The following NGEF variants were observed in gnomAD, a reference collection of about 807,000 sequenced individuals.
NGEF encodes ephexin-1.
A neutral mutation model predicts 80.9 loss-of-function variants in NGEF; 31 were observed. The observed-to-expected ratio is 0.38, with a 90% CI of 0.29 to 0.52. NGEF has a LOEUF of 0.52. Ranked by LOEUF, NGEF falls within the 20% of genes least tolerant of loss-of-function variation. The pLI is 0.84. For missense variants in NGEF, 709 were observed against 926.2 expected, an observed-to-expected ratio of 0.77 and a Z score of 3.04; for synonymous variants, 371 against 370.2, an observed-to-expected ratio of 1.00 and a Z score of -0.03.
At position 232,892,854 on chromosome 2, in the gene NGEF, G is replaced by A. The variant is rs763293759; in HGVS notation, c.1142+44C>T. On this transcript the variant is annotated intron_variant, in intron 7 of 14. Transcript: ENST00000264051. The surrounding 1 kb of genome is among the most constrained non-coding windows in gnomAD (Gnocchi z 4.0). ...GGGCCAGCACTGGTATGGCTGCCCC[G>A]GGCACCTCCCCCTGCCCCTGAGCCC... The A allele has an allele frequency of 1.4e-5, 22 of 1,597,356 alleles. No individual in the cohort carries two copies. The highest frequency in any genetic ancestry group is 4.0e-5 in the African/African-American group (3 of 74,694).
intron 12 of NGEF, among the ~76,000 whole-genome samples, chr2:232,883,078 C>CGT (rs1691564988): frequency 6.7e-6 from 1 of 149,620 alleles, no homozygotes; most frequent in Non-Finnish European, 1.5e-5. Context: ...CACACACACA[C>CGT]ACACGCACAC....
intron 1 of NGEF, among the ~76,000 whole-genome samples, chr2:233,008,292 A>G (rs1695128797): frequency 6.6e-6 from 1 of 152,172 alleles, no homozygotes; most frequent in South Asian, 2.1e-4. Flanking sequence ...GTCTGAAATG[A>G]TGGTGGAGAG....
At chr2:233,006,740 G>A (rs531249028) in intron 1 of NGEF, among the ~76,000 whole-genome samples, 1 of 152,112 alleles carries the variant, frequency 6.6e-6, no homozygotes, top group Non-Finnish European at 1.5e-5. Flanking sequence ...CACTCATGGC[G>A]ATCCTGTATG....
At chr2:232,881,091 T>C in intron 14 of NGEF, 55 bp downstream of exon 14, 6 of 1,412,276 alleles carry the variant, frequency 4.2e-6, no homozygotes. Context: ...CTCCCCGTCA[T>C]CCCTTGTGGG....
chr2:232,966,765 C>G (rs748684684), intron 3 of NGEF, among the ~76,000 whole-genome samples: 2 of 152,142 alleles, frequency 1.3e-5, no homozygotes, highest in Non-Finnish European at 1.5e-5. Flanking sequence ...TACCAGGGCC[C>G]TTCCTTGGCC....
At chr2:233,004,235 A>G (rs1439857826) in intron 1 of NGEF, among the ~76,000 whole-genome samples, 1 of 151,930 alleles carries the variant, frequency 6.6e-6, no homozygotes, top group Non-Finnish European at 1.5e-5. Context: ...CCCTGCAGGC[A>G]CCTGTCCGGC....
At position 232,881,143 on chromosome 2, in the gene NGEF, C is replaced by G; in HGVS notation, c.1942+3G>C. The G allele has an allele frequency of 6.2e-7, 1 of 1,611,812 alleles. No homozygotes were observed. Among genetic ancestry groups the G allele is most frequent in the Non-Finnish European group, 8.5e-7 (1 of 1,179,864 alleles). ...GCCCCGAGGGGAGGTCCCTGGGCCTCACCGTCGTCAGTCTTGTCCAGGATG... is the reference window on the plus strand; with the variant it reads ...GCCCCGAGGGGAGGTCCCTGGGCCTGACCGTCGTCAGTCTTGTCCAGGATG... On this transcript the variant is annotated splice_donor_region_variant and intron_variant, in intron 14 of 14. Transcript: ENST00000264051.
intron 3 of NGEF, among the ~76,000 whole-genome samples, chr2:232,932,998 A>G (rs1236036451): frequency 1.3e-5 from 2 of 151,910 alleles, no homozygotes; most frequent in East Asian, 1.9e-4. Context: ...AATCCCAGCT[A>G]CTTGGGAGGC....
chr2:232,896,130 C>G (rs1692051265), intron 5 of NGEF, among the ~76,000 whole-genome samples: 2 of 152,186 alleles, frequency 1.3e-5, no homozygotes, highest in Non-Finnish European at 2.9e-5. Context: ...CCCACAGAAG[C>G]TACATCCATG....
chr2:233,008,903 T>C (rs1182475052), intron 1 of NGEF, among the ~76,000 whole-genome samples: 1 of 151,918 alleles, frequency 6.6e-6, no homozygotes. Context: ...CTGGTTCAAG[T>C]GATTCTCCTG....
intron 1 of NGEF, among the ~76,000 whole-genome samples, chr2:233,003,368 C>T (rs1400655938): frequency 6.6e-6 from 1 of 152,218 alleles, no homozygotes; most frequent in Non-Finnish European, 1.5e-5. Context: ...TCTGATCCTT[C>T]CTGAATTCTC....
At chr2:233,012,705 T>TG (rs1695238772) in intron 1 of NGEF, 2 of 382,264 alleles carry the variant, frequency 5.2e-6, no homozygotes, top group South Asian at 4.0e-5. Flanking sequence ...GTTGTCCTTT[T>TG]GAAAGCCTTA....
intron 3 of NGEF, among the ~76,000 whole-genome samples, chr2:232,961,057 CA>C (rs2106314053): frequency 6.6e-6 from 1 of 152,246 alleles, no homozygotes; most frequent in African/African-American, 2.4e-5. Context: ...GTTGGTATAC[CA>C]AAGAGGACTT....
At chr2:232,985,515 G>T (rs1694514426) in intron 1 of NGEF, among the ~76,000 whole-genome samples, 1 of 152,176 alleles carries the variant, frequency 6.6e-6, no homozygotes, top group South Asian at 2.1e-4. Flanking sequence ...CACTTTGGGA[G>T]GCTGAGGCGG....
chr2:233,004,964 C>CA (rs201309164), intron 1 of NGEF, among the ~76,000 whole-genome samples: 22 of 149,156 alleles, frequency 1.5e-4, no homozygotes, highest in African/African-American at 4.4e-4. Flanking sequence ...AAATTTAAAC[C>CA]AAAAACAAAA....
In NGEF at chr2:232,892,145, T is replaced by C. The variant is rs189540898; in HGVS notation, c.1143-658A>G. On this transcript the variant is annotated intron_variant, in intron 7 of 14. Transcript: ENST00000264051. This position sits in a 1 kb window ranked among gnomAD's most constrained non-coding sequence, Gnocchi z 4.0. Reference sequence around the variant, plus strand: ...CCTTCTCAATGTTTATCCTCAAAAATTGCATCCTCATTCCCTCCAATTCCA... The same window carrying C: ...CCTTCTCAATGTTTATCCTCAAAAACTGCATCCTCATTCCCTCCAATTCCA... 2.6e-5 allele frequency among the ~76,000 whole-genome samples: 4 copies of C among 152,232 alleles called. No individual in the cohort carries two copies. Among genetic ancestry groups the C allele is most frequent in the Admixed American group, 2.0e-4 (3 of 15,292 alleles).
chr2:232,954,800 G>A (rs73995738), intron 3 of NGEF, among the ~76,000 whole-genome samples: 5,889 of 151,904 alleles, frequency 0.039, 407 homozygotes, highest in African/African-American at 0.14. Context: ...GTGGCAGGTT[G>A]AGGAAGGCTT....
At chr2:232,927,781 G>A in intron 3 of NGEF, 1 of 573,452 alleles carries the variant, frequency 1.7e-6, no homozygotes, top group Non-Finnish European at 2.5e-6. Flanking sequence ...GGGGGCCCGC[G>A]GAGGAGGAGT....
At position 232,974,885 on chromosome 2, in the gene NGEF, C is replaced by G; in HGVS notation, c.6G>C (p.Glu2Asp). ...TTTCCAAATCTTCAGATTCCCTGGTCTCCATGGAAATAGAGCCAGATGTTT... is the reference window on the plus strand; with the variant it reads ...TTTCCAAATCTTCAGATTCCCTGGTGTCCATGGAAATAGAGCCAGATGTTT... METRESEDLEKT... is the reference protein window; with the variant it reads MDTRESEDLEKT... Residue 2 changes from glutamate (E) to aspartate (D), a missense_variant, in exon 2 of 15, where the codon GAG becomes GAC. By Grantham distance (45) the Glu-to-Asp change is conservative. This residue lies in a region of NGEF where 283 missense variants were observed against 303.4 expected (regional missense o/e 0.93). Transcript: ENST00000264051. The G allele has an allele frequency of 6.2e-7, 1 of 1,613,090 alleles. No individual in the cohort carries two copies. The highest frequency in any genetic ancestry group is 8.5e-7 in the Non-Finnish European group (1 of 1,179,734).
Sources: gnomAD v4.1 joint callset for allele counts (sites outside exome capture counted in the v4.1 genomes callset) on GRCh38, gnomAD v4.1.1 for gene constraint, gnomAD v4.1.1 regional missense constraint, Gnocchi (gnomAD v3.1) non-coding constraint, MANE v1.5 for transcripts, NCBI Gene and HGNC (gene_info 2026-07-23, HGNC 2026-07-21) for gene names.